The following OR8K1 variants were observed in gnomAD, a reference collection of about 807,000 sequenced individuals.
OR8K1 encodes olfactory receptor family 8 subfamily K member 1.
For missense variants in OR8K1, 417 were observed against 374.0 expected (o/e 1.11, Z -0.95); for synonymous variants, 157 against 139.4 (o/e 1.13, Z -0.89).
At position 56,346,943 on chromosome 11, in the gene OR8K1, A is replaced by C. The variant is rs553325518; in HGVS notation, c.905A>C (p.Glu302Ala). Residue 302 changes from glutamate (E) to alanine (A), a missense_variant, in exon 1 of 1, where the codon GAA becomes GCA. Glu to Ala is a moderately radical substitution (Grantham distance 107). Coordinates refer to ENST00000279783, the MANE Select transcript of OR8K1 (RefSeq NM_001002907.1). ...NPLIYSLRNK[E>A]VKDALKRTLT... is the part of the protein sequence containing the mutation. ...TTGATCTACAGCCTAAGGAACAAAG[A>C]AGTAAAAGATGCTCTAAAGAGAACT... 1 of 1,609,766 alleles carries C rather than the reference A, an allele frequency of 6.2e-7. No homozygotes were observed. The highest frequency in any genetic ancestry group is 1.1e-5 in the South Asian group (1 of 90,342).
chr11:56,346,447 C>A lies in OR8K1; in HGVS notation c.409C>A (p.Leu137Met). 6.2e-7 allele frequency: 1 copy of A among 1,614,026 alleles called. No homozygotes were observed. Among genetic ancestry groups the A allele is most frequent in the Non-Finnish European group, 8.5e-7 (1 of 1,179,914 alleles). The change falls in exon 1 of 1, where the codon CTG becomes ATG. Residue 137 changes from leucine (L) to methionine (M), a missense_variant. Physicochemically the swap from Leu to Met is conservative, Grantham distance 15. Coordinates refer to ENST00000279783, the MANE Select transcript of OR8K1 (RefSeq NM_001002907.1). Reference sequence around the variant, plus strand: ...CTACGTAGCCATCTGTAAACCTCTTCTGTACGTGATCATCATGGCAGAGAA... The same window carrying A: ...CTACGTAGCCATCTGTAAACCTCTTATGTACGTGATCATCATGGCAGAGAA... ...DRYVAICKPL[L>M]YVIIMAEKVL...
Position 56,346,600 on chromosome 11 carries a change from A to G in OR8K1, c.562A>G (p.Ile188Val). 1.2e-6 allele frequency: 2 copies of G among 1,613,650 alleles called. No individual in the cohort carries two copies. Among genetic ancestry groups the G allele is most frequent in the Non-Finnish European group, 1.7e-6 (2 of 1,179,622 alleles). Residue 188 changes from isoleucine to valine, a missense_variant, in exon 1 of 1, where the codon ATC becomes GTC. Transcript: ENST00000279783. The part of the protein sequence containing the change: ...NIISYFYCDC[I>V]PLMSILCSDT... ...AATCAGCTATTTTTACTGTGACTGTATCCCTCTGATGTCCATACTCTGTTC... is the reference window on the plus strand; with the variant it reads ...AATCAGCTATTTTTACTGTGACTGTGTCCCTCTGATGTCCATACTCTGTTC...
Position 56,346,535 on chromosome 11 carries a change from CAATT to C in OR8K1, c.500_503del (p.Ile167SerfsTer12). Reference sequence around the variant, plus strand: ...AGCACGTTTGTGTCACTATTTCTCACAATTAAGTTATTTAAACTGTCCTTCTGTG... The same window carrying C: ...AGCACGTTTGTGTCACTATTTCTCACAAGTTATTTAAACTGTCCTTCTGTG... On this transcript the variant is annotated frameshift_variant, in exon 1 of 1. Transcript: ENST00000279783. LOFTEE classifies it low-confidence loss of function (END_TRUNC). The C allele has an allele frequency of 6.2e-7, 1 of 1,614,034 alleles. No homozygotes were observed. The highest frequency in any genetic ancestry group is 8.5e-7 in the Non-Finnish European group (1 of 1,179,978).
At position 56,346,189 on chromosome 11, in the gene OR8K1, A is replaced by T. The variant is rs774318371; in HGVS notation, c.151A>T (p.Met51Leu). 7.4e-6 allele frequency: 12 copies of T among 1,614,086 alleles called. 1 individual carries two copies. The South Asian group carries it at 1.2e-4, about 16-fold the overall frequency. ...GGTCACAGTGATAGGCAATCTGGGC[A>T]TGGTTATCTTGACCTACTTGGACTC... ...YLVTVIGNLG[M>L]VILTYLDSKL... is the part of the protein sequence containing the mutation. The change falls in exon 1 of 1, where the codon ATG (methionine) becomes TTG (leucine). Residue 51 changes from methionine to leucine, a missense_variant. By Grantham distance (15) the Met-to-Leu change is conservative. Transcript: ENST00000279783.
rs1259722159 is a variant in OR8K1, at chr11:56,346,953, T to A, written c.915T>A (p.Asp305Glu). 3.1e-6 allele frequency: 5 copies of A among 1,606,650 alleles called. No homozygotes were observed. The South Asian group carries it at 3.3e-5, about 11-fold the overall frequency. Reference protein sequence around the residue: ...IYSLRNKEVKDALKRTLTNRF... With the variant: ...IYSLRNKEVKEALKRTLTNRF... The stretch of plus-strand genomic sequence containing the variant: ...GCCTAAGGAACAAAGAAGTAAAAGA[T>A]GCTCTAAAGAGAACTTTAACCAATC... The change falls in exon 1 of 1, where the codon GAT becomes GAA. Residue 305 changes from aspartate (D) to glutamate (E), a missense_variant. Asp to Glu is a conservative substitution (Grantham distance 45, BLOSUM62 2). Coordinates refer to ENST00000279783, the MANE Select transcript of OR8K1 (RefSeq NM_001002907.1).
Position 56,346,149 on chromosome 11 carries a change from C to T in OR8K1, c.111C>T (p.Phe37=). 6.2e-7 allele frequency: 1 copy of T among 1,614,062 alleles called. No homozygotes were observed. The highest frequency in any genetic ancestry group is 8.5e-7 in the Non-Finnish European group (1 of 1,179,998). Residue 37 remains phenylalanine (F), a synonymous_variant, in exon 1 of 1, where the codon TTC becomes TTT. Transcript: ENST00000279783. ...TGCAGGCTCCACTGTTTGGACTCTT[C>T]CTCATCATATATCTGGTCACAGTGA... ...PGLQAPLFGL[F]LIIYLVTVIG... is the part of the protein sequence containing the mutation.
rs752863887 is a variant in OR8K1 at position 56,346,650 on chromosome 11, A to G, written c.612A>G (p.Ile204Met). The G allele has an allele frequency of 6.2e-7, 1 of 1,613,958 alleles. No individual in the cohort carries two copies. Among genetic ancestry groups the G allele is most frequent in the Admixed American group, 1.7e-5 (1 of 60,016 alleles). The change falls in exon 1 of 1, where the codon ATA (isoleucine) becomes ATG (methionine). Residue 204 changes from isoleucine to methionine, a missense_variant. Ile to Met is a conservative substitution (Grantham distance 10). Transcript: ENST00000279783. Reference protein sequence around the residue: ...LCSDTNELELIILIFSGCNLL... With the variant: ...LCSDTNELELMILIFSGCNLL... ...CTGACACAAATGAATTAGAATTAAT[A>G]ATTTTGATCTTCTCAGGCTGTAATT...
Position 56,346,684 on chromosome 11 carries a change from TC to T in OR8K1, c.649del (p.Leu217SerfsTer12). On this transcript the variant is annotated frameshift_variant, in exon 1 of 1. Coordinates refer to ENST00000279783, the MANE Select transcript of OR8K1 (RefSeq NM_001002907.1). LOFTEE classifies it low-confidence loss of function (END_TRUNC). ...LIFSGCNLLF[S>X]LSIVLISYMF... is the part of the protein sequence containing the mutation. Reference sequence around the variant, plus strand: ...CTTCTCAGGCTGTAATTTGCTCTTCTCCCTCTCAATTGTTCTCATATCCTAC... The same window carrying T: ...CTTCTCAGGCTGTAATTTGCTCTTCTCCTCTCAATTGTTCTCATATCCTAC... 3 of 1,613,740 alleles carry T rather than the reference TC, an allele frequency of 1.9e-6. No homozygotes were observed. The highest frequency in any genetic ancestry group is 2.5e-6 in the Non-Finnish European group (3 of 1,179,688).
At position 56,346,822 on chromosome 11, in the gene OR8K1, T is replaced by G. The variant is rs769476287; in HGVS notation, c.784T>G (p.Leu262Val). 6.2e-7 allele frequency: 1 copy of G among 1,613,994 alleles called. No individual in the cohort carries two copies. The highest frequency in any genetic ancestry group is 8.5e-7 in the Non-Finnish European group (1 of 1,179,894). The change falls in exon 1 of 1, where the codon TTA (leucine) becomes GTA (valine). Residue 262 changes from leucine to valine, a missense_variant. By Grantham distance (32) the Leu-to-Val change is conservative. Transcript: ENST00000279783. ...GGTGATCATGTTCTATGGGACATTG[T>G]TATTTATTTACTTGCAACCCAAGTC... is the stretch of plus-strand genomic sequence containing the variant. ...TVVIMFYGTLLFIYLQPKSSH... is the reference protein window; with the variant it reads ...TVVIMFYGTLVFIYLQPKSSH...
At position 56,346,420 on chromosome 11, in the gene OR8K1, C is replaced by G. The variant is rs772960419; in HGVS notation, c.382C>G (p.Arg128Gly). 4.3e-6 allele frequency: 7 copies of G among 1,613,924 alleles called. No individual in the cohort carries two copies. The Admixed American group carries it at 6.7e-5, about 15-fold the overall frequency. The change falls in exon 1 of 1, where the codon CGC becomes GGC. Residue 128 changes from arginine to glycine, a missense_variant. Transcript: ENST00000279783. ...TATTCTATCAGCAATGGCCTATGAT[C>G]GCTACGTAGCCATCTGTAAACCTCT... is the stretch of plus-strand genomic sequence containing the variant. ...LFILSAMAYD[R>G]YVAICKPLLY...
In OR8K1 at chr11:56,346,301, T is replaced by G; in HGVS notation, c.263T>G (p.Leu88Ter). ...GYSTVIAPKM[L>*]VNFIVHKNTI... Reference sequence around the variant, plus strand: ...TCCACTGTCATTGCCCCGAAGATGTTAGTAAACTTCATAGTGCACAAAAAC... The same window carrying G: ...TCCACTGTCATTGCCCCGAAGATGTGAGTAAACTTCATAGTGCACAAAAAC... The change falls in exon 1 of 1, where the codon TTA (leucine) becomes TGA (stop). Residue 88 changes from leucine (L) to a stop codon, truncating the protein, a stop_gained. Transcript: ENST00000279783. LOFTEE classifies it low-confidence loss of function (END_TRUNC). The G allele has an allele frequency of 6.2e-7, 1 of 1,614,184 alleles. No individual in the cohort carries two copies. Among genetic ancestry groups the G allele is most frequent in the Non-Finnish European group, 8.5e-7 (1 of 1,180,036 alleles).
Position 56,346,227 on chromosome 11 carries a change from C to T in OR8K1, c.189C>T (p.Thr63=), listed in dbSNP as rs145394503. The change falls in exon 1 of 1, where the codon ACC becomes ACT. Residue 63 remains threonine, a synonymous_variant. Coordinates refer to ENST00000279783, the MANE Select transcript of OR8K1 (RefSeq NM_001002907.1). The part of the protein sequence containing the change: ...ILTYLDSKLH[T]PMYFFLRHLS... ...CCTACTTGGACTCCAAGCTACACAC[C>T]CCCATGTACTTTTTCCTTAGACATT... 2,374 of 1,613,932 alleles carry T rather than the reference C, an allele frequency of 1.5e-3. 32 individuals are homozygous for T. The African/African-American group carries it at 0.024, about 17-fold the overall frequency.
At position 56,346,721 on chromosome 11, in the gene OR8K1, T is replaced by TA. The variant is rs761321659; in HGVS notation, c.684dup (p.Val229SerfsTer20). ...GTTCTCATATCCTACATGTTTATTC[T>TA]AGTGGCCATTCTCAGAATGAACTCA... On this transcript the variant is annotated frameshift_variant, in exon 1 of 1. Transcript: ENST00000279783. LOFTEE classifies it low-confidence loss of function (END_TRUNC). 9 of 1,613,790 alleles carry TA rather than the reference T, an allele frequency of 5.6e-6. No individual in the cohort carries two copies. In the African/African-American group the frequency reaches 1.2e-4, roughly 22 times the overall value.
In OR8K1 at chr11:56,346,231, A is replaced by G; in HGVS notation, c.193A>G (p.Met65Val). The change falls in exon 1 of 1, where the codon ATG (methionine) becomes GTG (valine). Residue 65 changes from methionine (M) to valine (V), a missense_variant. By Grantham distance (21) the Met-to-Val change is conservative. Transcript: ENST00000279783. ...TYLDSKLHTP[M>V]YFFLRHLSIT... ...CTTGGACTCCAAGCTACACACCCCCATGTACTTTTTCCTTAGACATTTGTC... is the reference window on the plus strand; with the variant it reads ...CTTGGACTCCAAGCTACACACCCCCGTGTACTTTTTCCTTAGACATTTGTC... 1.2e-6 allele frequency: 2 copies of G among 1,614,002 alleles called. No individual in the cohort carries two copies. The highest frequency in any genetic ancestry group is 1.7e-6 in the Non-Finnish European group (2 of 1,179,952).
chr11:56,346,534 A>T lies in OR8K1; in HGVS notation c.496A>T (p.Thr166Ser), dbSNP rs758877656. The T allele has an allele frequency of 2.8e-5, 45 of 1,614,084 alleles. No homozygotes were observed. Among genetic ancestry groups the T allele is most frequent in the Non-Finnish European group, 3.6e-5 (43 of 1,180,004 alleles). ...TAGCACGTTTGTGTCACTATTTCTC[A>T]CAATTAAGTTATTTAAACTGTCCTT... ...LYSTFVSLFL[T>S]IKLFKLSFCG... Residue 166 changes from threonine (T) to serine (S), a missense_variant, in exon 1 of 1, where the codon ACA (threonine) becomes TCA (serine). Thr to Ser is a moderately conservative substitution (Grantham distance 58). Coordinates refer to ENST00000279783, the MANE Select transcript of OR8K1 (RefSeq NM_001002907.1).
At position 56,346,361 on chromosome 11, in the gene OR8K1, C is replaced by G; in HGVS notation, c.323C>G (p.Ala108Gly). The change falls in exon 1 of 1, where the codon GCA becomes GGA. Residue 108 changes from alanine to glycine, a missense_variant. Ala to Gly is a moderately conservative substitution (Grantham distance 60). Coordinates refer to ENST00000279783, the MANE Select transcript of OR8K1 (RefSeq NM_001002907.1). ...TACAATTGGTATGCCACTCAGCTAG[C>G]ATTCTTTGAGATTTTCATCATCTCT... The part of the protein sequence containing the change: ...ISYNWYATQL[A>G]FFEIFIISEL... 6.2e-7 allele frequency: 1 copy of G among 1,614,112 alleles called. No individual in the cohort carries two copies. Among genetic ancestry groups the G allele is most frequent in the Non-Finnish European group, 8.5e-7 (1 of 1,180,014 alleles).
rs1280716327 is a variant in OR8K1, at chr11:56,346,814, G to A, written c.776G>A (p.Gly259Glu). 3 of 1,613,784 alleles carry A rather than the reference G, an allele frequency of 1.9e-6. No homozygotes were observed. Among genetic ancestry groups the A allele is most frequent in the Non-Finnish European group, 8.5e-7 (1 of 1,179,844 alleles). ...CTGACAGTGGTGATCATGTTCTATG[G>A]GACATTGTTATTTATTTACTTGCAA... ...SHLTVVIMFYGTLLFIYLQPK... is the reference protein window; with the variant it reads ...SHLTVVIMFYETLLFIYLQPK... The change falls in exon 1 of 1, where the codon GGG (glycine) becomes GAG (glutamate). Residue 259 changes from glycine to glutamate, a missense_variant. Coordinates refer to ENST00000279783, the MANE Select transcript of OR8K1 (RefSeq NM_001002907.1).
Position 56,346,389 on chromosome 11 carries a change from G to A in OR8K1, c.351G>A (p.Glu117=). ...LAFFEIFIIS[E]LFILSAMAYD... ...TCTTTGAGATTTTCATCATCTCTGA[G>A]CTCTTTATTCTATCAGCAATGGCCT... Residue 117 remains glutamate (E), a synonymous_variant, in exon 1 of 1, where the codon GAG becomes GAA. Coordinates refer to ENST00000279783, the MANE Select transcript of OR8K1 (RefSeq NM_001002907.1). 1.2e-6 allele frequency: 2 copies of A among 1,614,068 alleles called. No individual in the cohort carries two copies. The highest frequency in any genetic ancestry group is 2.2e-5 in the South Asian group (2 of 91,076).
rs147360907 is a variant in OR8K1, at chr11:56,346,303, G to C, written c.265G>C (p.Val89Leu). The C allele has an allele frequency of 6.2e-7, 1 of 1,614,012 alleles. No homozygotes were observed. Among genetic ancestry groups the C allele is most frequent in the East Asian group, 2.2e-5 (1 of 44,888 alleles). Residue 89 changes from valine (V) to leucine (L), a missense_variant, in exon 1 of 1, where the codon GTA (valine) becomes CTA (leucine). Physicochemically the swap from Val to Leu is conservative, Grantham distance 32 (BLOSUM62 1). Transcript: ENST00000279783. ...YSTVIAPKML[V>L]NFIVHKNTIS... ...CACTGTCATTGCCCCGAAGATGTTAGTAAACTTCATAGTGCACAAAAACAC... is the reference window on the plus strand; with the variant it reads ...CACTGTCATTGCCCCGAAGATGTTACTAAACTTCATAGTGCACAAAAACAC...
Sources: allele counts gnomAD v4.1 joint callset, GRCh38; gene constraint gnomAD v4.1.1; transcripts MANE v1.5; gene names NCBI Gene and HGNC (gene_info 2026-07-23, HGNC 2026-07-21).